SLC9A6: variants seen among roughly 807,000 people sequenced by gnomAD.
The protein encoded by SLC9A6 is sodium/hydrogen exchanger 6.
Under a neutral mutation model 45.3 loss-of-function variants are expected in SLC9A6, and 6 were observed. That is an observed-to-expected ratio of 0.13 (90% CI 0.07 to 0.26). The LOEUF (loss-of-function observed/expected upper bound fraction) is 0.26, where lower values mean the gene tolerates loss of function less well. Ranked by LOEUF, SLC9A6 falls within the 10% of genes least tolerant of loss-of-function variation. The pLI, the probability that SLC9A6 is intolerant of heterozygous loss-of-function variation, is 1.00. For missense variants in SLC9A6, 278 were observed against 503.7 expected (o/e 0.55, Z 4.29); for synonymous variants, 191 against 187.7 (o/e 1.02, Z -0.14).
In SLC9A6 at chrX:136,009,683, G is replaced by T. The variant is rs782127196; in HGVS notation, c.744-759G>T. Among the ~76,000 whole-genome samples, 105 of 111,928 alleles carry T rather than the reference G, an allele frequency of 9.4e-4. 1 individual carries two copies. Among genetic ancestry groups the T allele is most frequent in the African/African-American group, 3.2e-3 (99 of 30,868 alleles). ...TTTCTCAGGCATTTCTATTTCCTGGGGTGGTAACTGTTACAAAAGAAGCTT... is the reference window on the plus strand; with the variant it reads ...TTTCTCAGGCATTTCTATTTCCTGGTGTGGTAACTGTTACAAAAGAAGCTT... On this transcript the variant is annotated intron_variant, in intron 7 of 17. Transcript: ENST00000630721.
chrX:135,991,924 T>G (rs1264186891), intron 2 of SLC9A6, among the ~76,000 whole-genome samples: 1 of 110,835 alleles, frequency 9.0e-6, no homozygotes, highest in East Asian at 2.8e-4. Context: ...TATCATAGTC[T>G]TCTTCCCATT....
In SLC9A6 at chrX:135,985,440, C is replaced by T. The variant is rs1283009521; in HGVS notation, c.-94C>T. 1.1e-6 allele frequency: 1 copy of T among 885,144 alleles called. No homozygotes were observed. The highest frequency in any genetic ancestry group is 1.5e-6 in the Non-Finnish European group (1 of 681,051). The allele number at this position is 885,144 out of a possible 1,213,427, so 72.9% of individuals were successfully genotyped here. Reference sequence around the variant, plus strand: ...GGGCCCCGCCCCTTTCCCGTGAGCCCTCGGGGAGTGGTCCGACCGCGGGCG... The same window carrying T: ...GGGCCCCGCCCCTTTCCCGTGAGCCTTCGGGGAGTGGTCCGACCGCGGGCG... On this transcript the variant is annotated 5_prime_UTR_variant, in exon 1 of 18. Transcript: ENST00000630721.
At chrX:136,012,884 A>G in intron 8 of SLC9A6, 65 bp from the exon 9 acceptor site, 4 of 829,941 alleles carry the variant, frequency 4.8e-6, no homozygotes, top group South Asian at 2.0e-5. Flanking sequence ...CCTTGCTTAA[A>G]CTGTTATTTT....
chrX:136,027,829 G>A (rs2071255269), intron 13 of SLC9A6, among the ~76,000 whole-genome samples: 1 of 112,523 alleles, frequency 8.9e-6, no homozygotes, highest in Non-Finnish European at 1.9e-5. Context: ...CATTTACAGT[G>A]TAAAAGGTTC....
intron 14 of SLC9A6, 45 bp from the exon 15 acceptor site, chrX:136,030,087 T>A (rs1556620919): frequency 8.4e-7 from 1 of 1,189,941 alleles, no homozygotes; most frequent in Admixed American, 2.2e-5. Context: ...AATAGACCAT[T>A]TTTTGGCTTC....
At chrX:135,974,012 A>C (rs1556612980), upstream of SLC9A6, 2 of 668,497 alleles carry the variant, frequency 3.0e-6, no homozygotes, top group East Asian at 1.7e-4. Context: ...AAATGGGGGC[A>C]GGGCCAGTGG....
chrX:136,006,117 C>T (rs1356613079), intron 7 of SLC9A6, among the ~76,000 whole-genome samples: 1 of 111,716 alleles, frequency 9.0e-6, no homozygotes, highest in Non-Finnish European at 1.9e-5. Flanking sequence ...GGGTTAGATG[C>T]AGATAGTCTA....
At position 135,998,161 on chromosome X, in the gene SLC9A6, T is replaced by C; in HGVS notation, c.423T>C (p.Phe141=). 1 of 1,119,431 alleles carries C rather than the reference T, an allele frequency of 8.9e-7. No homozygotes were observed. Among genetic ancestry groups the C allele is most frequent in the Non-Finnish European group, 1.2e-6 (1 of 811,563 alleles). The allele number at this position is 1,119,431 out of a possible 1,213,427, so 92.3% of individuals were successfully genotyped here. The change falls in exon 4 of 18, where the codon TTT becomes TTC. Residue 141 remains phenylalanine, a synonymous_variant. Coordinates refer to ENST00000630721, the MANE Select transcript of SLC9A6 (RefSeq NM_001379110.1). The part of the protein sequence containing the change: ...FFNILLPPII[F]YAGYSLKRRH... ...ACATATTACTTCCTCCTATCATATTTTATGCAGGTTATAGCCTGAAAAGGG... is the reference window on the plus strand; with the variant it reads ...ACATATTACTTCCTCCTATCATATTCTATGCAGGTTATAGCCTGAAAAGGG...
chrX:136,018,930 C>T (rs1556619604), intron 11 of SLC9A6, among the ~76,000 whole-genome samples: 1 of 110,801 alleles, frequency 9.0e-6, no homozygotes, highest in Admixed American at 9.6e-5. Flanking sequence ...AAGTTCTTAG[C>T]TGAAAGATAA....
In SLC9A6 at chrX:136,004,080, C is replaced by CTT. The variant is rs782804669; in HGVS notation, c.743+1892_743+1893dup. Among the ~76,000 whole-genome samples, 135 of 66,252 alleles carry CTT rather than the reference C, an allele frequency of 2.0e-3. 3 individuals carry two copies. Among genetic ancestry groups the CTT allele is most frequent in the Middle Eastern group, 8.8e-3 (1 of 113 alleles). The allele number at this position is 66,252 out of a possible 115,157, so 57.5% of individuals were successfully genotyped here. ...AGGAATTCAATCCTGCCTCCCTAAT[C>CTT]TTTTTTTTTTTTTTTTTTTTTTTTT... On this transcript the variant is annotated intron_variant, in intron 7 of 17. Transcript: ENST00000630721.
chrX:135,978,521 G>T (rs2029701), intron 1 of SLC9A6, among the ~76,000 whole-genome samples: 1 of 110,565 alleles, frequency 9.0e-6, no homozygotes, highest in East Asian at 2.8e-4. Flanking sequence ...GTGTGGTGGC[G>T]CATGCCAGTA....
intron 8 of SLC9A6, among the ~76,000 whole-genome samples, chrX:136,011,384 T>G (rs1191692561): frequency 9.0e-6 from 1 of 110,780 alleles, no homozygotes; most frequent in African/African-American, 3.3e-5. Flanking sequence ...GGATTACAGG[T>G]GCGCAACACC....
At chrX:136,025,220 G>C (rs2071206054) in intron 13 of SLC9A6, among the ~76,000 whole-genome samples, 1 of 112,273 alleles carries the variant, frequency 8.9e-6, no homozygotes, top group Admixed American at 9.5e-5. Context: ...TCTTGAATGT[G>C]TACCAGTTAA....
At chrX:136,007,514 ATGTT>A (rs1377346797) in intron 7 of SLC9A6, among the ~76,000 whole-genome samples, 10 of 112,159 alleles carry the variant, frequency 8.9e-5, no homozygotes, top group Non-Finnish European at 1.9e-4. Context: ...ATGTTAAAAT[ATGTT>A]TGTGGCAAAA....
chrX:135,979,767 A>ATTTCT (rs1355681757), intron 1 of SLC9A6, among the ~76,000 whole-genome samples: 1 of 111,294 alleles, frequency 9.0e-6, no homozygotes, highest in African/African-American at 3.3e-5. Context: ...ACCTTTCCAC[A>ATTTCT]TTTCTTTTCT....
rs138074772 is a variant in SLC9A6 at position 136,016,704 on chromosome X, A to G, written c.1140A>G (p.Thr380=). ...ENFIFSYMGL[T]LFTFQNHVFN... is the part of the protein sequence containing the mutation. ...TCATCTTCTCCTACATGGGGCTGAC[A>G]CTGTTCACCTTCCAGAACCATGTCT... The change falls in exon 11 of 18, where the codon ACA becomes ACG. Residue 380 remains threonine, a synonymous_variant. Transcript: ENST00000630721. 1 of 1,197,540 alleles carries G rather than the reference A, an allele frequency of 8.4e-7. No individual in the cohort carries two copies. The highest frequency in any genetic ancestry group is 1.1e-6 in the Non-Finnish European group (1 of 884,045).
rs1556614733 is a variant in SLC9A6 at position 135,985,560 on chromosome X, C to T, written c.-56-43C>T. ...CCGCCGTGGCGTCGGCAGCAGTCCC[C>T]GAGCCCGCAGGCTCATGCGGCCCCT... On this transcript the variant is annotated intron_variant, in intron 1 of 17. Coordinates refer to ENST00000630721, the MANE Select transcript of SLC9A6 (RefSeq NM_001379110.1). 8.4e-7 allele frequency: 1 copy of T among 1,191,648 alleles called. No homozygotes were observed. The highest frequency in any genetic ancestry group is 1.1e-6 in the Non-Finnish European group (1 of 885,040).
At chrX:135,979,337 A>G (rs1304012131) in intron 1 of SLC9A6, among the ~76,000 whole-genome samples, 2 of 111,461 alleles carry the variant, frequency 1.8e-5, no homozygotes, top group African/African-American at 6.5e-5. Flanking sequence ...GCGCTCCCAC[A>G]GCGTCAATAT....
rs1556619294 is a variant in SLC9A6, at chrX:136,016,642, C to T, written c.1081-3C>T. ...GGACTAATCTTTTACAATTTCGTTT[C>T]AGTTGTTTGAGCTTCTCAATTTCTT... On this transcript the variant is annotated splice_polypyrimidine_tract_variant and splice_region_variant and intron_variant, in intron 10 of 17. Coordinates refer to ENST00000630721, the MANE Select transcript of SLC9A6 (RefSeq NM_001379110.1). 1.9e-6 allele frequency: 2 copies of T among 1,065,569 alleles called. No individual in the cohort carries two copies. Among genetic ancestry groups the T allele is most frequent in the Admixed American group, 2.2e-5 (1 of 45,784 alleles). 87.8% of individuals were successfully genotyped at this position (1,065,569 alleles called of 1,213,427 possible).
Sources: gnomAD v4.1 joint callset for allele counts (sites outside exome capture counted in the v4.1 genomes callset) on GRCh38, gnomAD v4.1.1 for gene constraint, MANE v1.5 for transcripts, NCBI Gene and HGNC (gene_info 2026-07-23, HGNC 2026-07-21) for gene names.